Variants in CEP83 observed in about 807,000 individuals in gnomAD.
The protein encoded by CEP83 is centrosomal protein 83.
In CEP83, 70 loss-of-function variants were observed where a neutral mutation model predicts 101.9. That is an observed-to-expected ratio of 0.69 (90% CI 0.57 to 0.84). The LOEUF is 0.84. CEP83 is among the 40% of genes least tolerant of loss of function. CEP83 has a pLI of 0.00. For synonymous variants in CEP83, 264 were observed against 267.9 expected, an observed-to-expected ratio of 0.99 and a Z score of 0.14; for missense variants, 715 against 787.2, an observed-to-expected ratio of 0.91 and a Z score of 1.10.
the CEP83 span, among the ~76,000 whole-genome samples, chr12:94,275,178 G>C: frequency 6.6e-6 from 1 of 152,200 alleles, no homozygotes; most frequent in South Asian, 2.1e-4. Context: ...CACTTGCTGA[G>C]GGTGATAGTC....
At chr12:94,355,477 C>T (rs899659290) in intron 11 of CEP83, among the ~76,000 whole-genome samples, 10 of 151,874 alleles carry the variant, frequency 6.6e-5, no homozygotes, top group East Asian at 1.9e-4. Flanking sequence ...GGCAACAGAG[C>T]GAGACTCCGT....
intron 2 of CEP83, among the ~76,000 whole-genome samples, chr12:94,432,028 C>T (rs2065663462): frequency 6.6e-6 from 1 of 151,826 alleles, no homozygotes; most frequent in South Asian, 2.1e-4. Context: ...ACAGAATCGA[C>T]ATAAGTGTCC....
chr12:94,303,712 TACTCTTTTGGTGATGGTTG>T, downstream of CEP83: 1 of 1,102,548 alleles, frequency 9.1e-7, no homozygotes, highest in Non-Finnish European at 1.2e-6. Context: ...TTTTTTTTTT[TACTCTTTTGGTGATGGTTG>T]CTTTTTTTTT....
chr12:94,410,399 T>C (rs918527502), intron 4 of CEP83, among the ~76,000 whole-genome samples: 6 of 152,220 alleles, frequency 3.9e-5, no homozygotes, highest in African/African-American at 1.4e-4. Flanking sequence ...ACATAGTTAC[T>C]TGTTGAAGTT....
the CEP83 span, chr12:94,301,066 C>G: frequency 6.2e-7 from 1 of 1,612,806 alleles, no homozygotes; most frequent in African/African-American, 1.3e-5. Context: ...AGGTAAGGCC[C>G]AGCTTGAGTA....
At chr12:94,337,603 C>G (rs1048029265) in intron 11 of CEP83, among the ~76,000 whole-genome samples, 1 of 151,978 alleles carries the variant, frequency 6.6e-6, no homozygotes, top group Non-Finnish European at 1.5e-5. Context: ...CAAGGTGTGT[C>G]ACAGTAAGTC....
chr12:94,422,869 G>C (rs1236406609), intron 2 of CEP83, among the ~76,000 whole-genome samples: 1 of 152,114 alleles, frequency 6.6e-6, no homozygotes, highest in Non-Finnish European at 1.5e-5. Flanking sequence ...ATGCGCATTT[G>C]GTTGTTTCTG....
At chr12:94,286,724 T>C in the CEP83 span, among the ~76,000 whole-genome samples, 1 of 152,032 alleles carries the variant, frequency 6.6e-6, no homozygotes, top group Non-Finnish European at 1.5e-5. Flanking sequence ...TAGTTAGGTT[T>C]TAAAGTTAAT....
intron 14 of CEP83, among the ~76,000 whole-genome samples, chr12:94,318,810 T>C (rs1314918703): frequency 1.3e-5 from 2 of 152,206 alleles, no homozygotes; most frequent in Non-Finnish European, 2.9e-5. Context: ...TGGATTCGGT[T>C]TGTAAGCATT....
At chr12:94,433,507 C>T (rs904736485) in intron 2 of CEP83, among the ~76,000 whole-genome samples, 2 of 151,826 alleles carry the variant, frequency 1.3e-5, no homozygotes, top group Non-Finnish European at 2.9e-5. Flanking sequence ...ATGGTGAAAG[C>T]CTGTTTCTAA....
the CEP83 span, chr12:94,282,482 C>T: frequency 7.8e-6 from 7 of 901,502 alleles, no homozygotes; most frequent in Non-Finnish European, 1.3e-5. Flanking sequence ...ACATCCAGGA[C>T]TCCCACCCAT....
chr12:94,286,759 A>C, the CEP83 span, among the ~76,000 whole-genome samples: 13 of 152,124 alleles, frequency 8.5e-5, no homozygotes, highest in East Asian at 5.8e-4. Flanking sequence ...AGTTCCTCCT[A>C]CTATCTAAAC....
intron 11 of CEP83, among the ~76,000 whole-genome samples, chr12:94,362,358 G>A (rs1016930888): frequency 2.6e-5 from 4 of 152,146 alleles, no homozygotes; most frequent in Admixed American, 6.5e-5. Context: ...GGTGGCTCAC[G>A]CTTATAATCT....
intron 2 of CEP83, among the ~76,000 whole-genome samples, chr12:94,433,147 C>T (rs1566192286): frequency 6.6e-6 from 1 of 152,148 alleles, no homozygotes; most frequent in Non-Finnish European, 1.5e-5. Context: ...ATGCAGAAGA[C>T]TGGAATTTAT....
chr12:94,309,959 T>C lies in CEP83; in HGVS notation c.1960A>G (p.Met654Val), dbSNP rs1178391842. 3.1e-6 allele frequency: 5 copies of C among 1,611,142 alleles called. No homozygotes were observed. Among genetic ancestry groups the C allele is most frequent in the Non-Finnish European group, 2.5e-6 (3 of 1,178,302 alleles). ...AATGGTAGTTCCATGCTTGGAACCA[T>C]GGCTGATGACTGAAAGCTAACAGGA... ...INPVSFQSSA[M>V]VPSMELPFPP... Residue 654 changes from methionine (M) to valine (V), a missense_variant, in exon 16 of 17, where the codon ATG (methionine) becomes GTG (valine). Coordinates refer to ENST00000397809, the MANE Select transcript of CEP83 (RefSeq NM_016122.3).
intron 6 of CEP83, among the ~76,000 whole-genome samples, chr12:94,394,922 A>T (rs1466908894): frequency 2.0e-5 from 3 of 152,250 alleles, no homozygotes; most frequent in Admixed American, 1.3e-4. Context: ...CCACAATGAG[A>T]TACCATCTCA....
At position 94,331,825 on chromosome 12, in the gene CEP83, A is replaced by G. The variant is rs199593910; in HGVS notation, c.1582T>C (p.Leu528=). The G allele has an allele frequency of 3.2e-4, 513 of 1,611,906 alleles. No individual in the cohort carries two copies. The African/African-American group carries it at 5.9e-3, about 19-fold the overall frequency. ...EKAQLEAEKT[L]EEKQIQWLEE... ...AACCACTGTATCTGTTTCTCTTCCA[A>G]TGTCCTGTCAGAAGAATGTATGTAA... is the stretch of plus-strand genomic sequence containing the variant. The change falls in exon 14 of 17, where the codon TTG becomes CTG. Residue 528 remains leucine (L), a synonymous_variant. Coordinates refer to ENST00000397809, the MANE Select transcript of CEP83 (RefSeq NM_016122.3).
intron 6 of CEP83, among the ~76,000 whole-genome samples, chr12:94,385,145 G>A (rs2062064203): frequency 1.3e-5 from 2 of 152,078 alleles, no homozygotes; most frequent in Admixed American, 6.6e-5. Flanking sequence ...AAGGTGGGAG[G>A]GCTTCTCATG....
chr12:94,410,841 T>C (rs796792149), intron 4 of CEP83, among the ~76,000 whole-genome samples: 20 of 152,300 alleles, frequency 1.3e-4, no homozygotes, highest in African/African-American at 4.8e-4. Context: ...CCAGGCTTAG[T>C]GGTGTTCCCA....
Sources: allele counts gnomAD v4.1 joint callset (sites outside exome capture counted in the v4.1 genomes callset), GRCh38; gene constraint gnomAD v4.1.1; transcripts MANE v1.5; gene names NCBI Gene and HGNC (gene_info 2026-07-23, HGNC 2026-07-21).